The following MED15 variants were observed in gnomAD, a reference collection of about 807,000 sequenced individuals.
The protein encoded by MED15 is mediator of RNA polymerase II transcription subunit 15.
A neutral mutation model predicts 118.7 loss-of-function variants in MED15; 41 were observed. That is an observed-to-expected ratio of 0.35 (90% CI 0.27 to 0.45). The LOEUF is 0.45. Ranked by LOEUF, MED15 falls within the 20% of genes least tolerant of loss-of-function variation. The pLI, the probability that MED15 is intolerant of heterozygous loss-of-function variation, is 1.00. For synonymous variants in MED15, 436 were observed against 413.9 expected (o/e 1.05, Z -0.65); for missense variants, 740 against 1,025.5 (o/e 0.72, Z 3.80).
intron 2 of MED15, among the ~76,000 whole-genome samples, chr22:20,545,904 T>C (rs2055516209): frequency 6.6e-6 from 1 of 152,186 alleles, no homozygotes; most frequent in African/African-American, 2.4e-5. Flanking sequence ...CAGCAGTTGC[T>C]GTGGTTTGGT....
intron 2 of MED15, among the ~76,000 whole-genome samples, chr22:20,545,895 A>G (rs957848492): frequency 6.6e-6 from 1 of 152,202 alleles, no homozygotes; most frequent in Non-Finnish European, 1.5e-5. Flanking sequence ...ATCTGGAGTC[A>G]GCAGTTGCTG....
At chr22:20,568,392 C>T (rs2056519954) in intron 7 of MED15, 129 bp from the exon 8 acceptor site, 7 of 1,370,134 alleles carry the variant, frequency 5.1e-6, no homozygotes, top group African/African-American at 2.9e-5. Context: ...GACATCACAG[C>T]ACATGAGGTC....
chr22:20,515,299 G>C (rs923776246), intron 1 of MED15, among the ~76,000 whole-genome samples: 9 of 152,166 alleles, frequency 5.9e-5, no homozygotes, highest in African/African-American at 2.2e-4. Flanking sequence ...ACATTTATAA[G>C]ATGAGGAAAA....
chr22:20,507,795 A>C, intron 1 of MED15, 49 bp downstream of exon 1: 1 of 1,611,476 alleles, frequency 6.2e-7, no homozygotes, highest in Non-Finnish European at 8.5e-7. Context: ...CTTCCTCCTT[A>C]GCGTGGCGGG....
At chr22:20,552,521 C>T (rs373107689) in intron 3 of MED15, 11 of 451,294 alleles carry the variant, frequency 2.4e-5, no homozygotes, top group Admixed American at 1.3e-4. Flanking sequence ...TGGCAGACTC[C>T]GCATGTTCTG....
intron 8 of MED15, among the ~76,000 whole-genome samples, chr22:20,570,441 G>A (rs1197150742): frequency 6.7e-6 from 1 of 149,444 alleles, no homozygotes; most frequent in Non-Finnish European, 1.5e-5. Flanking sequence ...ATCCAGGCTG[G>A]ATTGCAGTTT....
At chr22:20,573,209 G>A (rs182476130) in intron 8 of MED15, among the ~76,000 whole-genome samples, 1 of 152,242 alleles carries the variant, frequency 6.6e-6, no homozygotes, top group East Asian at 1.9e-4. Context: ...CTTAAGAGAT[G>A]TGCCCGCTTT....
chr22:20,525,424 G>T (rs1472138472), intron 1 of MED15, among the ~76,000 whole-genome samples: 1 of 151,974 alleles, frequency 6.6e-6, no homozygotes, highest in Non-Finnish European at 1.5e-5. Flanking sequence ...TGTTGGCCAG[G>T]CTGGTCTTGA....
chr22:20,571,628 G>A (rs939316887), intron 8 of MED15, among the ~76,000 whole-genome samples: 1 of 152,210 alleles, frequency 6.6e-6, no homozygotes, highest in African/African-American at 2.4e-5. Flanking sequence ...GTTTCTTGGG[G>A]GCTAATTGGG....
chr22:20,508,737 ACTT>A (rs1226765396), intron 1 of MED15, among the ~76,000 whole-genome samples: 1 of 152,080 alleles, frequency 6.6e-6, no homozygotes, highest in Admixed American at 6.6e-5. Flanking sequence ...GGCTGTTTTT[ACTT>A]CTTTTGTGGA....
At chr22:20,508,361 T>C in intron 1 of MED15, 1 of 1,304,258 alleles carries the variant, frequency 7.7e-7, no homozygotes, top group South Asian at 1.2e-5. Flanking sequence ...AGAGGAACTC[T>C]AGCCCCTCAC....
rs374438504 is a variant in MED15 at position 20,583,081 on chromosome 22, G to A, written c.1538-32G>A. Reference sequence around the variant, plus strand: ...CTCAAGTTCCCCACCCGAGGGTCGAGGGCTGTGGCCTCACCCGCCTGTGTC... The same window carrying A: ...CTCAAGTTCCCCACCCGAGGGTCGAAGGCTGTGGCCTCACCCGCCTGTGTC... On this transcript the variant is annotated intron_variant, in intron 11 of 17. Transcript: ENST00000263205. The A allele has an allele frequency of 2.6e-6, 4 of 1,563,522 alleles. No individual in the cohort carries two copies. The African/African-American group carries it at 4.1e-5, about 16-fold the overall frequency.
chr22:20,574,805 T>A (rs1258859503), intron 8 of MED15: 1 of 296,462 alleles, frequency 3.4e-6, no homozygotes, highest in Non-Finnish European at 6.5e-6. Context: ...TATAGGATTC[T>A]GATCTGTTAG....
At chr22:20,512,026 T>C (rs1301156287) in intron 1 of MED15, among the ~76,000 whole-genome samples, 1 of 148,020 alleles carries the variant, frequency 6.8e-6, no homozygotes, top group East Asian at 1.9e-4. Flanking sequence ...TCTTGCTCTG[T>C]GGCCCAGGTT....
chr22:20,564,461 C>T lies in MED15; in HGVS notation c.463C>T (p.Leu155Phe), dbSNP rs2056359193. The T allele has an allele frequency of 6.2e-7, 1 of 1,613,558 alleles. No individual in the cohort carries two copies. Among genetic ancestry groups the T allele is most frequent in the Non-Finnish European group, 8.5e-7 (1 of 1,179,884 alleles). Residue 155 changes from leucine (L) to phenylalanine (F), a missense_variant, in exon 6 of 18, where the codon CTC becomes TTC. Physicochemically the swap from Leu to Phe is conservative, Grantham distance 22 (BLOSUM62 0). Coordinates refer to ENST00000263205, the MANE Select transcript of MED15 (RefSeq NM_001003891.3). ...TGGTCTTTTCTCAGCCCAGCTGCAG[C>T]TCCAGCAGGTGGCGCTGCAGCAGCA... ...STATPQTQLQ[L>F]QQVALQQQQQ...
At chr22:20,553,016 T>C (rs165829) in intron 3 of MED15, 129 bp from the exon 4 acceptor site, 229,173 of 775,066 alleles carry the variant, frequency 0.3, 36,102 homozygotes, top group East Asian at 0.51. Flanking sequence ...CCCCCAGTAG[T>C]GGGGAGTACT....
intron 1 of MED15, chr22:20,508,167 G>T: frequency 8.2e-7 from 1 of 1,217,270 alleles, no homozygotes; most frequent in Non-Finnish European, 1.0e-6. Context: ...GTGATGGGAG[G>T]AGGGTGGATG....
At chr22:20,515,288 C>CA (rs1410056432) in intron 1 of MED15, among the ~76,000 whole-genome samples, 1 of 152,152 alleles carries the variant, frequency 6.6e-6, no homozygotes, top group Non-Finnish European at 1.5e-5. Flanking sequence ...ACATGTTACT[C>CA]ACATTTATAA....
rs537972346 is a variant in MED15 at position 20,587,445 on chromosome 22, A to T, written c.*741A>T. Reference sequence around the variant, plus strand: ...GACCCGTGTCCTCAGAGCACCACACACTGAGCACCCAGAGACAGCGGGCCT... The same window carrying T: ...GACCCGTGTCCTCAGAGCACCACACTCTGAGCACCCAGAGACAGCGGGCCT... On this transcript the variant is annotated 3_prime_UTR_variant, in exon 18 of 18. Coordinates refer to ENST00000263205, the MANE Select transcript of MED15 (RefSeq NM_001003891.3). 2.8e-4 allele frequency: 54 copies of T among 192,894 alleles called. No homozygotes were observed. The East Asian group carries it at 6.6e-3, about 23-fold the overall frequency. 11.9% of individuals were successfully genotyped at this position (192,894 alleles called of 1,614,324 possible).
Sources: gnomAD v4.1 joint callset for allele counts (sites outside exome capture counted in the v4.1 genomes callset) on GRCh38, gnomAD v4.1.1 for gene constraint, MANE v1.5 for transcripts, NCBI Gene and HGNC (gene_info 2026-07-23, HGNC 2026-07-21) for gene names.